Variants in FAM13A observed in about 807,000 individuals in gnomAD.
The protein encoded by FAM13A is protein FAM13A.
FAM13A carries 76 observed loss-of-function variants against 129.6 expected under a neutral mutation model. That is an observed-to-expected ratio of 0.59 (90% CI 0.49 to 0.71). The LOEUF (loss-of-function observed/expected upper bound fraction) is 0.71. FAM13A is among the 30% of genes least tolerant of loss of function. FAM13A has a pLI of 0.00. For synonymous variants in FAM13A, 443 were observed against 449.9 expected, an observed-to-expected ratio of 0.98 and a Z score of 0.20; for missense variants, 1,108 against 1,249.3, an observed-to-expected ratio of 0.89 and a Z score of 1.70.
chr4:89,036,695 T>C (rs1319188117), intron 1 of FAM13A, among the ~76,000 whole-genome samples: 1 of 152,164 alleles, frequency 6.6e-6, no homozygotes, highest in Non-Finnish European at 1.5e-5. Context: ...ATCACAGGGC[T>C]GGAGGCCTAG....
chr4:89,010,917 C>T (rs925507635), intron 3 of FAM13A, among the ~76,000 whole-genome samples: 3 of 151,988 alleles, frequency 2.0e-5, no homozygotes, highest in Non-Finnish European at 2.9e-5. Context: ...GGTGCGATCT[C>T]GGTTCACTGC....
intron 7 of FAM13A, among the ~76,000 whole-genome samples, chr4:88,841,102 C>T (rs765223343): frequency 6.6e-6 from 1 of 152,018 alleles, no homozygotes; most frequent in Non-Finnish European, 1.5e-5. Context: ...TTACATTATG[C>T]AACAGTTTAT....
chr4:88,807,877 A>G (rs1175798456), intron 7 of FAM13A, among the ~76,000 whole-genome samples: 1 of 152,228 alleles, frequency 6.6e-6, no homozygotes, highest in Non-Finnish European at 1.5e-5. Context: ...AAATTCATCA[A>G]TGAAAGACAA....
At chr4:89,020,410 C>T in intron 3 of FAM13A, 50 bp downstream of exon 3, 1 of 1,397,414 alleles carries the variant, frequency 7.2e-7, no homozygotes, top group South Asian at 1.2e-5. Flanking sequence ...GGCCACCGTG[C>T]CCAGCCTAGT....
chr4:89,010,381 C>G (rs1342428175), intron 3 of FAM13A, among the ~76,000 whole-genome samples: 1 of 152,168 alleles, frequency 6.6e-6, no homozygotes, highest in Non-Finnish European at 1.5e-5. Context: ...GTGTAACAGA[C>G]AGCACCTAAG....
chr4:88,825,521 G>A (rs1037235248), intron 7 of FAM13A, among the ~76,000 whole-genome samples: 6 of 151,996 alleles, frequency 3.9e-5, no homozygotes, highest in Admixed American at 6.6e-5. Flanking sequence ...TGGCATGAAC[G>A]TTTTAAATAT....
rs1752067636 is a variant in FAM13A at position 88,925,890 on chromosome 4, C to T, written c.759+12198G>A. On this transcript the variant is annotated intron_variant, in intron 5 of 23. Coordinates refer to ENST00000264344, the MANE Select transcript of FAM13A (RefSeq NM_014883.4). ...AGACAAGAAAGGAGATGAGGATTAA[C>T]TGTACCTGGAGGATGGGGAGGGCTT... Among the ~76,000 whole-genome samples the T allele has an allele frequency of 2.6e-5, 4 of 152,228 alleles. No individual in the cohort carries two copies. The South Asian group carries it at 8.3e-4, about 32-fold the overall frequency.
chr4:88,949,305 T>C (rs1283416045), intron 4 of FAM13A, among the ~76,000 whole-genome samples: 1 of 152,196 alleles, frequency 6.6e-6, no homozygotes, highest in Admixed American at 6.5e-5. Context: ...CAAGCCCGAA[T>C]ACACCTAATT....
intron 19 of FAM13A, 75 bp from the exon 20 acceptor site, chr4:88,739,200 C>T: frequency 1.0e-6 from 1 of 968,702 alleles, no homozygotes. Context: ...ATGCTCTGGG[C>T]CTTTGTAATT....
At chr4:88,884,402 C>A (rs913118039) in intron 6 of FAM13A, among the ~76,000 whole-genome samples, 3 of 152,122 alleles carry the variant, frequency 2.0e-5, no homozygotes, top group African/African-American at 7.2e-5. Context: ...CCAGAAATCA[C>A]ATGATCAGCT....
intron 7 of FAM13A, among the ~76,000 whole-genome samples, chr4:88,833,061 A>G (rs1341967418): frequency 6.6e-6 from 1 of 152,202 alleles, no homozygotes; most frequent in African/African-American, 2.4e-5. Flanking sequence ...AAAAAGGAAC[A>G]AGATCATGTC....
chr4:88,941,184 CA>C (rs1030828969), intron 4 of FAM13A, among the ~76,000 whole-genome samples: 1 of 152,124 alleles, frequency 6.6e-6, no homozygotes, highest in Non-Finnish European at 1.5e-5. Flanking sequence ...TCCACATCAC[CA>C]AATCAAAACT....
Position 88,878,543 on chromosome 4 carries a change from A to C in FAM13A, c.844-27360T>G, listed in dbSNP as rs1561232662. On this transcript the variant is annotated intron_variant, in intron 6 of 23. Transcript: ENST00000264344. Reference sequence around the variant, plus strand: ...TAAATCAATTTAAAGGAGTCAAAAAACTATATTCTACAAATAGAACTTTGT... The same window carrying C: ...TAAATCAATTTAAAGGAGTCAAAAACCTATATTCTACAAATAGAACTTTGT... Among the ~76,000 whole-genome samples the C allele has an allele frequency of 2.0e-5, 3 of 152,152 alleles. 1 individual carries two copies. The highest frequency in any genetic ancestry group is 1.3e-4 in the Admixed American group (2 of 15,268).
intron 4 of FAM13A, among the ~76,000 whole-genome samples, chr4:88,962,040 A>G (rs1389901371): frequency 1.3e-5 from 2 of 151,564 alleles, no homozygotes. Context: ...GAAAGAAGAG[A>G]GTCAGGGAAA....
chr4:88,857,845 C>T (rs1045087405), intron 6 of FAM13A, among the ~76,000 whole-genome samples: 1 of 152,084 alleles, frequency 6.6e-6, no homozygotes, highest in Non-Finnish European at 1.5e-5. Context: ...CATAGAATAG[C>T]ACTTAGCAAA....
intron 3 of FAM13A, among the ~76,000 whole-genome samples, chr4:89,015,273 C>T (rs962719138): frequency 1.3e-5 from 2 of 152,152 alleles, no homozygotes; most frequent in Non-Finnish European, 2.9e-5. Context: ...CTCCATTTGC[C>T]TTGTAATATT....
intron 7 of FAM13A, among the ~76,000 whole-genome samples, chr4:88,840,336 A>G (rs1221061345): frequency 6.6e-6 from 1 of 152,228 alleles, no homozygotes; most frequent in Non-Finnish European, 1.5e-5. Flanking sequence ...AAGTACATAC[A>G]ATCCTTTATC....
chr4:88,996,818 A>C (rs1181025969), intron 3 of FAM13A, among the ~76,000 whole-genome samples: 1 of 152,214 alleles, frequency 6.6e-6, no homozygotes, highest in Non-Finnish European at 1.5e-5. Context: ...AGTTTCAACC[A>C]TCTTTTAAAC....
chr4:89,052,189 A>C (rs1236529573), intron 1 of FAM13A, among the ~76,000 whole-genome samples: 2 of 151,296 alleles, frequency 1.3e-5, no homozygotes, highest in African/African-American at 4.9e-5. Flanking sequence ...TGGGGCAGCT[A>C]TAAAGTGTGG....
Sources: gnomAD v4.1 joint callset for allele counts (sites outside exome capture counted in the v4.1 genomes callset) on GRCh38, gnomAD v4.1.1 for gene constraint, MANE v1.5 for transcripts, NCBI Gene and HGNC (gene_info 2026-07-23, HGNC 2026-07-21) for gene names.